Variants in HS3ST3A1 observed in about 807,000 individuals in gnomAD.
The protein encoded by HS3ST3A1 is heparan sulfate-glucosamine 3-sulfotransferase 3A1, also known as heparan sulfate glucosamine 3-O-sulfotransferase 3A1.
In HS3ST3A1, 19 loss-of-function variants were observed where a neutral mutation model predicts 25.7. The observed-to-expected ratio is 0.74, with a 90% CI of 0.52 to 1.08. The LOEUF is 1.08. HS3ST3A1 is among the 50% of genes least tolerant of loss of function. The probability of loss-of-function intolerance (pLI) is 0.00; values close to 1 mark genes in which losing one functional copy is unlikely to be tolerated. For synonymous variants in HS3ST3A1, 226 were observed against 278.6 expected (o/e 0.81, Z 1.88); for missense variants, 459 against 594.3 (o/e 0.77, Z 2.37).
intron 1 of HS3ST3A1, among the ~76,000 whole-genome samples, chr17:13,582,827 TA>T (rs1908151844): frequency 6.6e-6 from 1 of 152,262 alleles, no homozygotes; most frequent in South Asian, 2.1e-4. Context: ...GATAATGCTG[TA>T]ATACAGAGTA....
At chr17:13,581,324 G>A (rs62053908) in intron 1 of HS3ST3A1, among the ~76,000 whole-genome samples, 15,110 of 151,944 alleles carry the variant, frequency 0.099, 875 homozygotes, top group Non-Finnish European at 0.13. Context: ...AAAATTAGCT[G>A]GGTGTGGTGG....
At chr17:13,563,487 G>T (rs889217317) in intron 1 of HS3ST3A1, among the ~76,000 whole-genome samples, 1 of 152,144 alleles carries the variant, frequency 6.6e-6, no homozygotes, top group Non-Finnish European at 1.5e-5. Context: ...ATTTTGTGAG[G>T]ATGTAAGCAA....
chr17:13,508,076 C>T lies in HS3ST3A1; in HGVS notation c.600-11258G>A, dbSNP rs193149023. Reference sequence around the variant, plus strand: ...TTTTTGAAGCAGCTCCCACACCAACCGAATCTGGATATGCAATTCTAAGAA... The same window carrying T: ...TTTTTGAAGCAGCTCCCACACCAACTGAATCTGGATATGCAATTCTAAGAA... On this transcript the variant is annotated intron_variant, in intron 1 of 1. Transcript: ENST00000284110. Among the ~76,000 whole-genome samples the T allele has an allele frequency of 2.0e-4, 30 of 152,244 alleles. No individual in the cohort carries two copies. In the East Asian group the frequency reaches 5.0e-3, roughly 26 times the overall value.
At chr17:13,552,754 AC>A (rs779802084) in intron 1 of HS3ST3A1, among the ~76,000 whole-genome samples, 3 of 152,166 alleles carry the variant, frequency 2.0e-5, no homozygotes, top group Non-Finnish European at 4.4e-5. Context: ...CACAGCTAAG[AC>A]CTTTCCCAAT....
intron 1 of HS3ST3A1, among the ~76,000 whole-genome samples, chr17:13,542,685 C>A (rs1393224087): frequency 1.3e-5 from 2 of 151,996 alleles, no homozygotes; most frequent in Admixed American, 6.6e-5. Context: ...GCTCATCATT[C>A]CCAAAACCCT....
chr17:13,586,335 T>C (rs2142387898), intron 1 of HS3ST3A1, among the ~76,000 whole-genome samples: 1 of 152,124 alleles, frequency 6.6e-6, no homozygotes, highest in East Asian at 1.9e-4. Flanking sequence ...GTCCTCTAGA[T>C]TCCTCAACGG....
chr17:13,554,864 C>T (rs1321213228), intron 1 of HS3ST3A1, among the ~76,000 whole-genome samples: 1 of 152,134 alleles, frequency 6.6e-6, no homozygotes, highest in Non-Finnish European at 1.5e-5. Context: ...TGAAACTAAA[C>T]GATGGTAATA....
chr17:13,535,654 A>G (rs1431028542), intron 1 of HS3ST3A1, among the ~76,000 whole-genome samples: 4 of 123,786 alleles, frequency 3.2e-5, no homozygotes, highest in Admixed American at 3.1e-4. Context: ...TGTTAAATGG[A>G]TGTATAAAAA....
At chr17:13,514,443 TA>T (rs1327156650) in intron 1 of HS3ST3A1, among the ~76,000 whole-genome samples, 4 of 152,224 alleles carry the variant, frequency 2.6e-5, no homozygotes, top group Non-Finnish European at 4.4e-5. Flanking sequence ...ATATATATTT[TA>T]AAATTATGAA....
intron 1 of HS3ST3A1, among the ~76,000 whole-genome samples, chr17:13,573,845 C>T (rs1268530334): frequency 1.3e-5 from 2 of 152,158 alleles, no homozygotes; most frequent in Non-Finnish European, 2.9e-5. Context: ...GAGTTACGGG[C>T]ACAGGGGAGC....
rs183286510 is a variant in HS3ST3A1 at position 13,526,267 on chromosome 17, G to A, written c.600-29449C>T. ...CTGTCCCAACTTCCCAGTTGCTGTC[G>A]CCTCAATCCAGACTTCCCTGCATTG... On this transcript the variant is annotated intron_variant, in intron 1 of 1. Transcript: ENST00000284110. Among the ~76,000 whole-genome samples, 208 of 151,756 alleles carry A rather than the reference G, an allele frequency of 1.4e-3. 1 individual carries two copies. Among genetic ancestry groups the A allele is most frequent in the African/African-American group, 4.7e-3 (193 of 41,380 alleles).
intron 1 of HS3ST3A1, among the ~76,000 whole-genome samples, chr17:13,555,523 C>T (rs1907349102): frequency 6.6e-6 from 1 of 152,024 alleles, no homozygotes; most frequent in Non-Finnish European, 1.5e-5. Context: ...CCCTGAGGGC[C>T]CCTTAGAGTG....
chr17:13,551,200 T>A (rs1037210365), intron 1 of HS3ST3A1, among the ~76,000 whole-genome samples: 1 of 149,734 alleles, frequency 6.7e-6, no homozygotes, highest in African/African-American at 2.5e-5. Flanking sequence ...TGCAAAAAAA[T>A]TAGGTGGGCG....
chr17:13,520,489 T>C (rs550963961), intron 1 of HS3ST3A1, among the ~76,000 whole-genome samples: 8 of 152,358 alleles, frequency 5.3e-5, no homozygotes, highest in African/African-American at 1.9e-4. Context: ...AACAAAAATC[T>C]AGGACCCTAT....
At chr17:13,532,806 T>C (rs1191264482) in intron 1 of HS3ST3A1, among the ~76,000 whole-genome samples, 1 of 149,482 alleles carries the variant, frequency 6.7e-6, no homozygotes, top group Non-Finnish European at 1.5e-5. Flanking sequence ...ATCATCTTTG[T>C]TGAGTATTTC....
At chr17:13,563,771 A>G (rs1315181426) in intron 1 of HS3ST3A1, among the ~76,000 whole-genome samples, 2 of 152,140 alleles carry the variant, frequency 1.3e-5, no homozygotes, top group African/African-American at 4.8e-5. Flanking sequence ...TCTTTCTGGC[A>G]ATGGGTATTT....
At position 13,494,349 on chromosome 17, in the gene HS3ST3A1, A is replaced by C. The variant is rs1371993710; in HGVS notation, c.*1848T>G. ...ACTTAACTTCTATAAATGGGATATT[A>C]ACAGATAAATCCAAAGATTTGGAGC... On this transcript the variant is annotated 3_prime_UTR_variant, in exon 2 of 2. Coordinates refer to ENST00000284110, the MANE Select transcript of HS3ST3A1 (RefSeq NM_006042.3). 6.6e-6 allele frequency among the ~76,000 whole-genome samples: 1 copy of C among 152,238 alleles called. No homozygotes were observed. The highest frequency in any genetic ancestry group is 1.5e-5 in the Non-Finnish European group (1 of 68,034).
intron 1 of HS3ST3A1, among the ~76,000 whole-genome samples, chr17:13,525,020 A>T (rs544619104): frequency 2.0e-5 from 3 of 152,094 alleles, no homozygotes; most frequent in African/African-American, 7.2e-5. Context: ...CCTGATGCTA[A>T]TTTTGTTACC....
chr17:13,522,281 G>A (rs1205553903), intron 1 of HS3ST3A1, among the ~76,000 whole-genome samples: 1 of 150,546 alleles, frequency 6.6e-6, no homozygotes, highest in East Asian at 1.9e-4. Context: ...CCCTCAGAAA[G>A]CCTATTATTT....
Sources: gnomAD v4.1 joint callset for allele counts (sites outside exome capture counted in the v4.1 genomes callset) on GRCh38, gnomAD v4.1.1 for gene constraint, MANE v1.5 for transcripts, NCBI Gene and HGNC (gene_info 2026-07-23, HGNC 2026-07-21) for gene names.